CCSER1: variants seen among roughly 807,000 people sequenced by gnomAD.
CCSER1 encodes the protein serine-rich coiled-coil domain-containing protein 1.
A neutral mutation model predicts 82.0 loss-of-function variants in CCSER1; 41 were observed. The observed-to-expected ratio is 0.50, with a 90% CI of 0.39 to 0.65. The LOEUF (loss-of-function observed/expected upper bound fraction) is 0.65. Among genes scored for constraint, CCSER1 ranks in the 30% least tolerant of loss-of-function variants. CCSER1 has a pLI of 0.00. For missense variants in CCSER1, 1,119 were observed against 1,064.2 expected (o/e 1.05, Z -0.72); for synonymous variants, 414 against 383.9 (o/e 1.08, Z -0.92).
intron 10 of CCSER1, among the ~76,000 whole-genome samples, chr4:91,117,664 C>G (rs1435048412): frequency 6.6e-6 from 1 of 151,952 alleles, no homozygotes; most frequent in African/African-American, 2.4e-5. Flanking sequence ...TAAGGTGTGA[C>G]TTTATGTTGT....
chr4:90,757,629 G>T (rs1344320337), intron 7 of CCSER1, among the ~76,000 whole-genome samples: 1 of 152,156 alleles, frequency 6.6e-6, no homozygotes, highest in East Asian at 1.9e-4. Context: ...TTCAACCAAG[G>T]AAGCAGACAA....
At chr4:91,225,633 A>G (rs1279673257) in intron 10 of CCSER1, among the ~76,000 whole-genome samples, 1 of 151,766 alleles carries the variant, frequency 6.6e-6, no homozygotes, top group Non-Finnish European at 1.5e-5. Context: ...AAAGGAAGGC[A>G]GAATTTGTGT....
chr4:91,285,432 G>A (rs930332646), intron 10 of CCSER1, among the ~76,000 whole-genome samples: 4 of 151,418 alleles, frequency 2.6e-5, no homozygotes, highest in Admixed American at 2.0e-4. Context: ...TAAAGGGTAT[G>A]GAATTATTAT....
intron 8 of CCSER1, among the ~76,000 whole-genome samples, chr4:90,907,189 A>G (rs1348751406): frequency 6.6e-6 from 1 of 152,086 alleles, no homozygotes; most frequent in Non-Finnish European, 1.5e-5. Context: ...CATCCTGTAG[A>G]CAGATCATGT....
At chr4:91,526,638 C>G (rs1323031233) in intron 10 of CCSER1, among the ~76,000 whole-genome samples, 1 of 152,150 alleles carries the variant, frequency 6.6e-6, no homozygotes, top group Non-Finnish European at 1.5e-5. Context: ...GGAGTTTGCT[C>G]CTATTGCCCA....
At chr4:90,748,486 A>G (rs1747941651) in intron 7 of CCSER1, among the ~76,000 whole-genome samples, 1 of 149,142 alleles carries the variant, frequency 6.7e-6, no homozygotes, top group South Asian at 2.2e-4. Context: ...GAATAATGCC[A>G]CAATAAACAT....
At chr4:91,285,310 A>G (rs912260704) in intron 10 of CCSER1, among the ~76,000 whole-genome samples, 2 of 146,664 alleles carry the variant, frequency 1.4e-5, no homozygotes, top group African/African-American at 5.0e-5. Flanking sequence ...GCTATATGTT[A>G]TATTTCATTG....
At chr4:91,184,684 G>A (rs6833455) in intron 10 of CCSER1, among the ~76,000 whole-genome samples, 108,200 of 152,106 alleles carry the variant, frequency 0.71, 38,944 homozygotes, top group Non-Finnish European at 0.78. Context: ...TATAGGTTCT[G>A]GAGGCTTAAC....
chr4:90,755,597 C>T (rs62312996), intron 7 of CCSER1, among the ~76,000 whole-genome samples: 40,507 of 152,000 alleles, frequency 0.27, 5,992 homozygotes, highest in East Asian at 0.34. Context: ...ACGTATTCTG[C>T]TTAATACTGT....
intron 10 of CCSER1, among the ~76,000 whole-genome samples, chr4:91,326,507 G>A (rs1358018258): frequency 1.3e-5 from 2 of 152,062 alleles, no homozygotes; most frequent in East Asian, 1.9e-4. Flanking sequence ...CAACACTGGG[G>A]GATAACAATT....
At chr4:90,687,080 A>G (rs967950985) in intron 6 of CCSER1, among the ~76,000 whole-genome samples, 1 of 152,234 alleles carries the variant, frequency 6.6e-6, no homozygotes, top group Non-Finnish European at 1.5e-5. Flanking sequence ...GCTCCTTAAG[A>G]TAAGATATTT....
intron 4 of CCSER1, among the ~76,000 whole-genome samples, chr4:90,432,915 C>T (rs1349530084): frequency 6.6e-6 from 1 of 152,090 alleles, no homozygotes; most frequent in South Asian, 2.1e-4. Flanking sequence ...CAAAATCTCC[C>T]TACCTAGGTA....
At chr4:90,818,702 G>T (rs1348124396) in intron 8 of CCSER1, among the ~76,000 whole-genome samples, 5 of 152,190 alleles carry the variant, frequency 3.3e-5, no homozygotes, top group Non-Finnish European at 7.3e-5. Context: ...ACGTTTAGCA[G>T]CATCCCTAGC....
At chr4:90,697,290 G>A (rs1361755239) in intron 6 of CCSER1, among the ~76,000 whole-genome samples, 1 of 152,118 alleles carries the variant, frequency 6.6e-6, no homozygotes, top group Non-Finnish European at 1.5e-5. Context: ...TACATCAAAA[G>A]TTTCAGAAGC....
At chr4:90,904,906 C>T (rs1400297119) in intron 8 of CCSER1, among the ~76,000 whole-genome samples, 1 of 152,030 alleles carries the variant, frequency 6.6e-6, no homozygotes, top group Non-Finnish European at 1.5e-5. Flanking sequence ...GCTTCTTCTT[C>T]GCCCATTCAT....
chr4:90,137,351 C>G (rs1723879710), intron 1 of CCSER1, among the ~76,000 whole-genome samples: 1 of 152,148 alleles, frequency 6.6e-6, no homozygotes, highest in African/African-American at 2.4e-5. Context: ...GCTTCATTAT[C>G]AACAACAATT....
chr4:91,172,108 A>G (rs766170959), intron 10 of CCSER1, among the ~76,000 whole-genome samples: 2 of 152,162 alleles, frequency 1.3e-5, no homozygotes, highest in African/African-American at 4.8e-5. Flanking sequence ...ATAAAATCCC[A>G]TATAAAATGA....
At chr4:91,103,034 T>G (rs985361938) in intron 10 of CCSER1, among the ~76,000 whole-genome samples, 6 of 152,228 alleles carry the variant, frequency 3.9e-5, no homozygotes, top group Non-Finnish European at 8.8e-5. Flanking sequence ...TATCTACACT[T>G]TTTAATTTTT....
chr4:91,189,041 T>C (rs1216845851), intron 10 of CCSER1, among the ~76,000 whole-genome samples: 1 of 152,154 alleles, frequency 6.6e-6, no homozygotes, highest in African/African-American at 2.4e-5. Context: ...TCTAGGTCTC[T>C]GCAAACCTCC....
Sources: gnomAD v4.1 joint callset for allele counts (sites outside exome capture counted in the v4.1 genomes callset) on GRCh38, gnomAD v4.1.1 for gene constraint, MANE v1.5 for transcripts, NCBI Gene and HGNC (gene_info 2026-07-23, HGNC 2026-07-21) for gene names.